Variants in SEMA3D observed in about 807,000 individuals in gnomAD.
SEMA3D encodes semaphorin-3D.
SEMA3D carries 84 observed loss-of-function variants against 100.1 expected under a neutral mutation model. The observed-to-expected ratio is 0.84, with a 90% CI of 0.70 to 1.01. The LOEUF (loss-of-function observed/expected upper bound fraction) is 1.01. SEMA3D is among the 50% of genes least tolerant of loss of function. The pLI is 0.00. For synonymous variants in SEMA3D, 312 were observed against 320.7 expected (o/e 0.97, Z 0.29); for missense variants, 875 against 934.1 (o/e 0.94, Z 0.82).
the SEMA3D span, among the ~76,000 whole-genome samples, chr7:85,225,074 A>C: frequency 7.4e-5 from 1 of 13,434 alleles, no homozygotes; most frequent in South Asian, 1.4e-3. Context: ...ATATATATAT[A>C]TATATATATA....
chr7:85,198,607 T>C, the SEMA3D span, among the ~76,000 whole-genome samples: 2 of 151,940 alleles, frequency 1.3e-5, no homozygotes, highest in African/African-American at 4.8e-5. Flanking sequence ...CATCATTTTA[T>C]TTGCATACTG....
At chr7:85,084,259 T>A (rs1365688054) in intron 4 of SEMA3D, among the ~76,000 whole-genome samples, 1 of 152,210 alleles carries the variant, frequency 6.6e-6, no homozygotes, top group Non-Finnish European at 1.5e-5. Flanking sequence ...TCCAATTTTA[T>A]TATTATTTTT....
the SEMA3D span, among the ~76,000 whole-genome samples, chr7:85,247,141 C>A: frequency 6.6e-6 from 1 of 151,936 alleles, no homozygotes; most frequent in Non-Finnish European, 1.5e-5. Context: ...TAAGTTACAT[C>A]CTGCCTATAT....
At chr7:85,057,684 G>A (rs913154686) in intron 8 of SEMA3D, among the ~76,000 whole-genome samples, 5 of 152,162 alleles carry the variant, frequency 3.3e-5, no homozygotes, top group African/African-American at 1.2e-4. Flanking sequence ...TATAATCCCA[G>A]CACTTTGGGA....
the SEMA3D span, among the ~76,000 whole-genome samples, chr7:85,221,973 T>C: frequency 3.9e-5 from 6 of 152,052 alleles, no homozygotes; most frequent in East Asian, 1.9e-4. Flanking sequence ...ATAATAATCA[T>C]TGCAGATAAT....
At chr7:85,110,988 A>G (rs1375855225) in intron 3 of SEMA3D, among the ~76,000 whole-genome samples, 3 of 152,024 alleles carry the variant, frequency 2.0e-5, no homozygotes, top group African/African-American at 7.2e-5. Context: ...TCATCTCTCT[A>G]GACATATTAG....
At chr7:85,175,473 A>T (rs140617467) in intron 1 of SEMA3D, among the ~76,000 whole-genome samples, 120 of 152,292 alleles carry the variant, frequency 7.9e-4, no homozygotes, top group African/African-American at 2.7e-3. Flanking sequence ...CTCTCTGCCA[A>T]ACCTCATCAT....
chr7:85,021,369 T>C (rs1413506448), intron 13 of SEMA3D, among the ~76,000 whole-genome samples: 1 of 151,786 alleles, frequency 6.6e-6, no homozygotes, highest in Non-Finnish European at 1.5e-5. Context: ...GTCAAACTTG[T>C]GGGAATTAAT....
intron 9 of SEMA3D, among the ~76,000 whole-genome samples, chr7:85,045,797 A>G (rs1282973102): frequency 6.6e-6 from 1 of 151,964 alleles, no homozygotes; most frequent in Admixed American, 6.6e-5. Flanking sequence ...TAAAAATGTA[A>G]GATATTTCCC....
chr7:85,177,783 G>GA (rs1791280320), intron 1 of SEMA3D, among the ~76,000 whole-genome samples: 2 of 152,176 alleles, frequency 1.3e-5, no homozygotes, highest in African/African-American at 4.8e-5. Flanking sequence ...ATTATAAACA[G>GA]AAAAAATGGC....
At chr7:85,121,589 T>C in intron 3 of SEMA3D, 152 bp downstream of exon 3, 1 of 517,058 alleles carries the variant, frequency 1.9e-6, no homozygotes, top group Non-Finnish European at 3.3e-6. Flanking sequence ...AAATGAGTAA[T>C]TGGGCTTCGT....
chr7:85,123,224 G>C (rs1436906813), intron 2 of SEMA3D, among the ~76,000 whole-genome samples: 1 of 152,018 alleles, frequency 6.6e-6, no homozygotes, highest in Admixed American at 6.6e-5. Flanking sequence ...GTAGAATCTA[G>C]TGATCTTCAG....
At chr7:85,146,098 C>T (rs1038951227) in intron 2 of SEMA3D, among the ~76,000 whole-genome samples, 1 of 152,014 alleles carries the variant, frequency 6.6e-6, no homozygotes, top group Non-Finnish European at 1.5e-5. Flanking sequence ...GCTAATTGTA[C>T]ATACAAAGAA....
In SEMA3D at chr7:85,042,832, C is replaced by A. The variant is rs1264333183; in HGVS notation, c.862-547G>T. On this transcript the variant is annotated intron_variant, in intron 9 of 18. Transcript: ENST00000284136. ...GATACTACAGGTGCATACCACTGAA[C>A]CCAGCTGAAATATGGTTGGTTTGAT... 2.0e-5 allele frequency among the ~76,000 whole-genome samples: 3 copies of A among 152,038 alleles called. No individual in the cohort carries two copies. The East Asian group carries it at 5.8e-4, about 29-fold the overall frequency.
At chr7:85,162,395 G>C (rs1790772188) in intron 1 of SEMA3D, among the ~76,000 whole-genome samples, 1 of 152,040 alleles carries the variant, frequency 6.6e-6, no homozygotes, top group Non-Finnish European at 1.5e-5. Context: ...TGAAATTATT[G>C]TGAAAGAAAA....
intron 4 of SEMA3D, among the ~76,000 whole-genome samples, chr7:85,086,573 A>G (rs1049130265): frequency 6.6e-6 from 1 of 151,990 alleles, no homozygotes; most frequent in African/African-American, 2.4e-5. Flanking sequence ...ATACGCACAT[A>G]TATAACAGCA....
chr7:85,227,534 C>T, the SEMA3D span, among the ~76,000 whole-genome samples: 1 of 152,030 alleles, frequency 6.6e-6, no homozygotes, highest in Admixed American at 6.6e-5. Flanking sequence ...TCTCAGCATC[C>T]AGAACTACAA....
rs1320270221 is a variant in SEMA3D, at chr7:85,029,479, C to T, written c.1192-6866G>A. The T allele has an allele frequency of 3.6e-5, 25 of 701,230 alleles. 1 individual carries two copies. The highest frequency in any genetic ancestry group is 1.4e-4 in the South Asian group (10 of 70,686). The allele number at this position is 701,230 out of a possible 1,614,324, so 43.4% of individuals were successfully genotyped here. A position where few individuals can be genotyped will look rare whatever the true frequency, so the allele number is the denominator to read the frequency against. On this transcript the variant is annotated intron_variant, in intron 12 of 18. Transcript: ENST00000284136. Reference sequence around the variant, plus strand: ...CAAACAGAAGATTCTTAGCAAGTGCCATGAAATTATCAACTGGCTCGACAA... The same window carrying T: ...CAAACAGAAGATTCTTAGCAAGTGCTATGAAATTATCAACTGGCTCGACAA...
chr7:85,128,591 A>G (rs542392153), intron 2 of SEMA3D, among the ~76,000 whole-genome samples: 1 of 152,030 alleles, frequency 6.6e-6, no homozygotes, highest in Non-Finnish European at 1.5e-5. Context: ...ATTTTAATTT[A>G]TTCCTTTCTG....
Sources: gnomAD v4.1 joint callset for allele counts (sites outside exome capture counted in the v4.1 genomes callset) on GRCh38, gnomAD v4.1.1 for gene constraint, MANE v1.5 for transcripts, NCBI Gene and HGNC (gene_info 2026-07-23, HGNC 2026-07-21) for gene names.